The following SLC6A6 variants were observed in gnomAD, a reference collection of about 807,000 sequenced individuals.
SLC6A6 encodes solute carrier family 6 member 6.
SLC6A6 carries 16 observed loss-of-function variants against 68.8 expected under a neutral mutation model. That is an observed-to-expected ratio of 0.23 (90% CI 0.16 to 0.35). The LOEUF (loss-of-function observed/expected upper bound fraction) is 0.35. SLC6A6 is among the 10% of genes least tolerant of loss of function. SLC6A6 has a pLI of 1.00. For missense variants in SLC6A6, 474 were observed against 802.8 expected, an observed-to-expected ratio of 0.59 and a Z score of 4.95; for synonymous variants, 312 against 315.4, an observed-to-expected ratio of 0.99 and a Z score of 0.12.
At chr3:14,425,071 C>T (rs946600893) in intron 2 of SLC6A6, among the ~76,000 whole-genome samples, 1 of 152,198 alleles carries the variant, frequency 6.6e-6, no homozygotes, top group Admixed American at 6.5e-5. Flanking sequence ...AACGAAGGCA[C>T]GCCATGAAAG....
chr3:14,444,390 A>G, intron 3 of SLC6A6: 1 of 206,184 alleles, frequency 4.9e-6, no homozygotes, highest in Admixed American at 5.3e-5. Context: ...TTTTAAATGT[A>G]GTGACTGCAC....
intron 1 of SLC6A6, among the ~76,000 whole-genome samples, chr3:14,413,270 G>A (rs1006425038): frequency 7.2e-5 from 11 of 152,166 alleles, no homozygotes; most frequent in Non-Finnish European, 1.2e-4. Flanking sequence ...ACATTCCAGG[G>A]AACACAGCTG....
At chr3:14,445,669 GC>G (rs1700103247) in intron 3 of SLC6A6, 47 bp from the exon 4 acceptor site, 1 of 1,612,284 alleles carries the variant, frequency 6.2e-7, no homozygotes, top group Admixed American at 1.7e-5. Flanking sequence ...TTCTGCGTCG[GC>G]GCTGCCATGG....
At chr3:14,466,766 G>T in intron 7 of SLC6A6, 116 bp downstream of exon 7, 1 of 954,170 alleles carries the variant, frequency 1.0e-6, no homozygotes, top group East Asian at 2.7e-5. Context: ...TCAGTGCACA[G>T]GTCTAGCTGG....
chr3:14,470,346 C>A (rs1574960579), intron 9 of SLC6A6, among the ~76,000 whole-genome samples: 1 of 152,168 alleles, frequency 6.6e-6, no homozygotes, highest in South Asian at 2.1e-4. Flanking sequence ...GAGTGAAGTG[C>A]ATTTGAACAA....
chr3:14,406,465 G>A (rs4684216), intron 1 of SLC6A6, among the ~76,000 whole-genome samples: 2 of 152,022 alleles, frequency 1.3e-5, no homozygotes, highest in African/African-American at 4.8e-5. Flanking sequence ...TCCAGGAGAC[G>A]GAGAGTCACC....
Position 14,457,988 on chromosome 3 carries a change from C to T in SLC6A6, c.638C>T (p.Pro213Leu). 1 of 1,614,100 alleles carries T rather than the reference C, an allele frequency of 6.2e-7. No homozygotes were observed. The highest frequency in any genetic ancestry group is 1.1e-5 in the South Asian group (1 of 91,088). ...VLSLSPGIDH[P>L]GSLKWDLALC... ...AGCTTGTCCCCTGGAATCGACCACCCAGGCTCTCTGAAATGGGACCTCGCT... is the reference window on the plus strand; with the variant it reads ...AGCTTGTCCCCTGGAATCGACCACCTAGGCTCTCTGAAATGGGACCTCGCT... The change falls in exon 6 of 15, where the codon CCA becomes CTA. Residue 213 changes from proline (P) to leucine (L), a missense_variant. By Grantham distance (98) the Pro-to-Leu change is moderately conservative. Transcript: ENST00000622186.
At chr3:14,463,554 T>C (rs890516519) in intron 6 of SLC6A6, among the ~76,000 whole-genome samples, 3 of 152,236 alleles carry the variant, frequency 2.0e-5, no homozygotes, top group East Asian at 1.9e-4. Flanking sequence ...CAGCAGCTAT[T>C]GTTCGCCAGC....
intron 2 of SLC6A6, among the ~76,000 whole-genome samples, chr3:14,430,443 A>T (rs1162228079): frequency 6.6e-6 from 1 of 152,068 alleles, no homozygotes; most frequent in East Asian, 1.9e-4. Context: ...GCTAAATTGC[A>T]ATGGAAAGTT....
chr3:14,429,491 C>T (rs574558450), intron 2 of SLC6A6, among the ~76,000 whole-genome samples: 7 of 152,366 alleles, frequency 4.6e-5, no homozygotes, highest in South Asian at 2.1e-4. Context: ...GCAGATGAGA[C>T]GTCTGTGTGC....
chr3:14,465,020 G>C (rs960693118), intron 6 of SLC6A6, among the ~76,000 whole-genome samples: 1 of 152,214 alleles, frequency 6.6e-6, no homozygotes, highest in African/African-American at 2.4e-5. Flanking sequence ...CCAAGCCTCA[G>C]TTTCTCCACT....
chr3:14,407,589 G>C (rs1574902193), intron 1 of SLC6A6, among the ~76,000 whole-genome samples: 1 of 149,066 alleles, frequency 6.7e-6, no homozygotes, highest in African/African-American at 2.5e-5. Flanking sequence ...CTGCAGCCTC[G>C]ACCTCCCCAG....
chr3:14,467,760 A>G (rs1334360624), intron 7 of SLC6A6, 93 bp from the exon 8 acceptor site: 1 of 710,276 alleles, frequency 1.4e-6, no homozygotes, highest in Non-Finnish European at 2.4e-6. Flanking sequence ...TCCCCAGGCC[A>G]TCGCCAGGTG....
At chr3:14,465,118 C>G (rs1700586252) in intron 6 of SLC6A6, among the ~76,000 whole-genome samples, 1 of 152,180 alleles carries the variant, frequency 6.6e-6, no homozygotes, top group South Asian at 2.1e-4. Context: ...GCCTGAAACA[C>G]TAGGATCGAA....
intron 2 of SLC6A6, among the ~76,000 whole-genome samples, chr3:14,441,663 C>T (rs968996638): frequency 3.3e-5 from 5 of 152,334 alleles, no homozygotes; most frequent in African/African-American, 9.6e-5. Context: ...CCCCTGTGGG[C>T]CCAGCAGCTG....
chr3:14,464,980 T>C (rs1248257522), intron 6 of SLC6A6, among the ~76,000 whole-genome samples: 1 of 152,168 alleles, frequency 6.6e-6, no homozygotes, highest in Admixed American at 6.5e-5. Flanking sequence ...CTGGATTCCG[T>C]TGATGCCCTG....
At chr3:14,435,190 C>A (rs1699824103) in intron 2 of SLC6A6, among the ~76,000 whole-genome samples, 1 of 152,194 alleles carries the variant, frequency 6.6e-6, no homozygotes, top group Admixed American at 6.5e-5. Context: ...AATCCTGGCC[C>A]ACTGTCCTGT....
At chr3:14,421,899 G>A (rs550947578) in intron 2 of SLC6A6, among the ~76,000 whole-genome samples, 11 of 152,316 alleles carry the variant, frequency 7.2e-5, no homozygotes, top group Non-Finnish European at 1.2e-4. Flanking sequence ...CCTCAGCCTC[G>A]TGGGAAAGCT....
At chr3:14,483,221 A>G (rs1204998762) in intron 14 of SLC6A6, among the ~76,000 whole-genome samples, 1 of 152,126 alleles carries the variant, frequency 6.6e-6, no homozygotes, top group Non-Finnish European at 1.5e-5. Context: ...GGGTGAGGGC[A>G]GGCTTCACCC....
Sources: gnomAD v4.1 joint callset for allele counts (sites outside exome capture counted in the v4.1 genomes callset) on GRCh38, gnomAD v4.1.1 for gene constraint, MANE v1.5 for transcripts, NCBI Gene and HGNC (gene_info 2026-07-23, HGNC 2026-07-21) for gene names.